Variants in TBC1D16 observed in about 807,000 individuals in gnomAD.
TBC1D16 encodes CTD-2529O21.1.
In TBC1D16, 58 loss-of-function variants were observed where a neutral mutation model predicts 74.7. The ratio of observed to expected loss-of-function variants is 0.78; its 90% CI spans 0.63 to 0.97. The LOEUF is 0.97. Ranked by LOEUF, TBC1D16 falls within the 50% of genes least tolerant of loss-of-function variation. The pLI, the probability that TBC1D16 is intolerant of heterozygous loss-of-function variation, is 0.00. For missense variants in TBC1D16, 1,014 were observed against 1,079.5 expected (o/e 0.94, Z 0.85); for synonymous variants, 493 against 474.7 (o/e 1.04, Z -0.50).
In TBC1D16 at chr17:80,010,660, C is replaced by A; in HGVS notation, c.279G>T (p.Glu93Asp). The A allele has an allele frequency of 6.5e-7, 1 of 1,539,754 alleles. No individual in the cohort carries two copies. The highest frequency in any genetic ancestry group is 8.7e-7 in the Non-Finnish European group (1 of 1,146,052). The change falls in exon 3 of 12, where the codon GAG becomes GAT. Residue 93 changes from glutamate to aspartate, a missense_variant. Coordinates refer to ENST00000310924, the MANE Select transcript of TBC1D16 (RefSeq NM_019020.4). The surrounding 1 kb of genome is among the most constrained non-coding windows in gnomAD (Gnocchi z 8.8). The stretch of plus-strand genomic sequence containing the variant: ...TCTCGGGTGTGATGTAGCGCAGGGC[C>A]TCCTCGTCCTGCCTCTGGATGCGAG... ...PNSRIQRQDE[E>D]ALRYITPESS...
In TBC1D16 at chr17:80,023,094, T is replaced by TACTA. The variant is rs936552525; in HGVS notation, c.-62-9489_-62-9486dup. Among the ~76,000 whole-genome samples, 6 of 150,238 alleles carry TACTA rather than the reference T, an allele frequency of 4.0e-5. 2 individuals carry two copies. The highest frequency in any genetic ancestry group is 1.5e-4 in the African/African-American group (6 of 39,584). On this transcript the variant is annotated intron_variant, in intron 1 of 11. Coordinates refer to ENST00000310924, the MANE Select transcript of TBC1D16 (RefSeq NM_019020.4). ...ACGTGTGTGAGATCCACGGTTCTCATACTATCACACGCTCTGGTGAGAGTA... is the reference window on the plus strand; with the variant it reads ...ACGTGTGTGAGATCCACGGTTCTCATACTAACTATCACACGCTCTGGTGAGAGTA...
chr17:79,980,917 A>G lies in TBC1D16; in HGVS notation c.780-28099T>C, dbSNP rs1277124838. ...ACCGGGAGCTGCTGGGACCATGGCT[A>G]GGGGTTGTGACGTGACCTGGGCCCC... On this transcript the variant is annotated intron_variant, in intron 3 of 11. Coordinates refer to ENST00000310924, the MANE Select transcript of TBC1D16 (RefSeq NM_019020.4). This position sits in a 1 kb window ranked among gnomAD's most constrained non-coding sequence, Gnocchi z 7.0. Among the ~76,000 whole-genome samples the G allele has an allele frequency of 6.6e-6, 1 of 152,106 alleles. No individual in the cohort carries two copies. Among genetic ancestry groups the G allele is most frequent in the African/African-American group, 2.4e-5 (1 of 41,420 alleles).
At chr17:79,943,282 G>A (rs1253166855) in intron 10 of TBC1D16, among the ~76,000 whole-genome samples, 2 of 152,274 alleles carry the variant, frequency 1.3e-5, no homozygotes, top group South Asian at 2.1e-4. Flanking sequence ...TGGCTGGTGC[G>A]AGACACAGCG....
intron 10 of TBC1D16, among the ~76,000 whole-genome samples, chr17:79,942,933 A>C (rs758083792): frequency 3.9e-5 from 6 of 152,226 alleles, no homozygotes; most frequent in Non-Finnish European, 7.3e-5. Context: ...CAGGAAGCCC[A>C]CGCCAGGTCC....
At chr17:79,949,393 C>G (rs2032842074) in intron 7 of TBC1D16, among the ~76,000 whole-genome samples, 1 of 152,222 alleles carries the variant, frequency 6.6e-6, no homozygotes, top group Non-Finnish European at 1.5e-5. Flanking sequence ...GACACAGTCT[C>G]CGGATGCCTT....
intron 2 of TBC1D16, among the ~76,000 whole-genome samples, chr17:80,011,038 T>C (rs1195890276): frequency 6.6e-6 from 1 of 152,012 alleles, no homozygotes; most frequent in East Asian, 1.9e-4. Flanking sequence ...TTTTGGTTTT[T>C]GGGTTTGTTT....
At chr17:79,951,320 T>C in intron 5 of TBC1D16, 130 bp downstream of exon 5, 1 of 1,163,338 alleles carries the variant, frequency 8.6e-7, no homozygotes, top group Non-Finnish European at 1.2e-6. Context: ...GGCCAAAAAC[T>C]ACCGTGGGTC....
chr17:80,007,154 C>T lies in TBC1D16; in HGVS notation c.779+3006G>A, dbSNP rs979247947. 2.6e-5 allele frequency among the ~76,000 whole-genome samples: 4 copies of T among 152,224 alleles called. No individual in the cohort carries two copies. The highest frequency in any genetic ancestry group is 2.1e-4 in the South Asian group (1 of 4,834). ...GAGCCTCCCCTGGACCGGGCTGACACAGGCCTGAGGTGCGAGCCACACCGA... is the reference window on the plus strand; with the variant it reads ...GAGCCTCCCCTGGACCGGGCTGACATAGGCCTGAGGTGCGAGCCACACCGA... On this transcript the variant is annotated intron_variant, in intron 3 of 11. Transcript: ENST00000310924. This position sits in a 1 kb window ranked among gnomAD's most constrained non-coding sequence, Gnocchi z 4.5.
intron 1 of TBC1D16, among the ~76,000 whole-genome samples, chr17:80,015,454 A>T (rs1044833859): frequency 2.0e-5 from 3 of 151,724 alleles, no homozygotes; most frequent in Middle Eastern, 3.2e-3. Flanking sequence ...AATAAATAAA[A>T]AAAATAAAAG....
At chr17:79,942,396 A>C (rs1306595767) in intron 10 of TBC1D16, among the ~76,000 whole-genome samples, 190 bp from the exon 11 acceptor site, 1 of 152,134 alleles carries the variant, frequency 6.6e-6, no homozygotes. Context: ...CCCCACCTGC[A>C]CATGGGGTCT....
chr17:79,998,337 G>GT (rs1170616473), intron 3 of TBC1D16, among the ~76,000 whole-genome samples: 1 of 147,636 alleles, frequency 6.8e-6, no homozygotes, highest in Non-Finnish European at 1.5e-5. Context: ...GGTGTTTTTT[G>GT]TTTTTTTTGA....
chr17:79,985,655 A>C lies in TBC1D16; in HGVS notation c.779+24505T>G, dbSNP rs576515245. Among the ~76,000 whole-genome samples, 22 of 152,064 alleles carry C rather than the reference A, an allele frequency of 1.4e-4. No individual in the cohort carries two copies. The highest frequency in any genetic ancestry group is 4.6e-4 in the African/African-American group (19 of 41,474). ...TGGCAGCCATTCCGCATTGATCTCCATTTGCTTTTCAAACATGCAATTCTC... is the reference window on the plus strand; with the variant it reads ...TGGCAGCCATTCCGCATTGATCTCCCTTTGCTTTTCAAACATGCAATTCTC... On this transcript the variant is annotated intron_variant, in intron 3 of 11. Transcript: ENST00000310924. This position sits in a 1 kb window ranked among gnomAD's most constrained non-coding sequence, Gnocchi z 4.9.
At position 79,993,876 on chromosome 17, in the gene TBC1D16, C is replaced by T. The variant is rs2035169279; in HGVS notation, c.779+16284G>A. Among the ~76,000 whole-genome samples the T allele has an allele frequency of 6.6e-6, 1 of 152,076 alleles. No homozygotes were observed. The highest frequency in any genetic ancestry group is 2.1e-4 in the South Asian group (1 of 4,828). The stretch of plus-strand genomic sequence containing the variant: ...CTCAGCCCCTCGAGAGCACCAGGAG[C>T]CCCCAGCCCCCATGCAACCACCGGC... On this transcript the variant is annotated intron_variant, in intron 3 of 11. Coordinates refer to ENST00000310924, the MANE Select transcript of TBC1D16 (RefSeq NM_019020.4). The surrounding 1 kb of genome is among the most constrained non-coding windows in gnomAD (Gnocchi z 5.1).
rs771525469 is a variant in TBC1D16, at chr17:79,939,359, G to C, written c.*1500C>G. The C allele has an allele frequency of 1.3e-5, 2 of 152,332 alleles. No homozygotes were observed. Among genetic ancestry groups the C allele is most frequent in the African/African-American group, 2.4e-5 (1 of 41,468 alleles). 9.4% of individuals were successfully genotyped at this position (152,332 alleles called of 1,614,324 possible). ...GGTTCATGGAGAAAAGAGAAGCCGA[G>C]AAGGTGGAGGAGGCCGGTAAGTGGT... On this transcript the variant is annotated 3_prime_UTR_variant, in exon 12 of 12. Transcript: ENST00000310924.
chr17:79,963,963 G>GT (rs1942192380), intron 3 of TBC1D16, among the ~76,000 whole-genome samples: 1 of 150,826 alleles, frequency 6.6e-6, no homozygotes, highest in Non-Finnish European at 1.5e-5. Context: ...TTGTTTGGTT[G>GT]TTTTTTGTGT....
At chr17:79,943,290 G>A (rs147047678) in intron 10 of TBC1D16, among the ~76,000 whole-genome samples, 11 of 152,320 alleles carry the variant, frequency 7.2e-5, no homozygotes, top group Middle Eastern at 3.4e-3. Context: ...GCGAGACACA[G>A]CGGAGGGGTT....
At chr17:79,959,098 A>T (rs551041115) in intron 3 of TBC1D16, among the ~76,000 whole-genome samples, 1 of 152,396 alleles carries the variant, frequency 6.6e-6, no homozygotes, top group Non-Finnish European at 1.5e-5. Flanking sequence ...CTTAAACAGT[A>T]ACAATGCACA....
At position 79,945,078 on chromosome 17, in the gene TBC1D16, G is replaced by A. The variant is rs747368486; in HGVS notation, c.1738C>T (p.Arg580Cys). 15 of 1,581,548 alleles carry A rather than the reference G, an allele frequency of 9.5e-6. No individual in the cohort carries two copies. Among genetic ancestry groups the A allele is most frequent in the Middle Eastern group, 1.7e-4 (1 of 6,010 alleles). ...ACGTGCGTCAGCCGCAGCAGCTCGC[G>A]CAGGTACAGCTGGGGGTGAGGCCGT... is the stretch of plus-strand genomic sequence containing the variant. ...EDMEKQLLYL[R>C]ELLRLTHVRF... is the part of the protein sequence containing the mutation. Residue 580 changes from arginine (R) to cysteine (C), a missense_variant, in exon 10 of 12, where the codon CGC becomes TGC. Arg to Cys is a radical substitution (Grantham distance 180). Coordinates refer to ENST00000310924, the MANE Select transcript of TBC1D16 (RefSeq NM_019020.4).
At position 79,952,642 on chromosome 17, in the gene TBC1D16, A is replaced by G; in HGVS notation, c.941+15T>C. 6.3e-7 allele frequency: 1 copy of G among 1,583,428 alleles called. No individual in the cohort carries two copies. Among genetic ancestry groups the G allele is most frequent in the Admixed American group, 1.7e-5 (1 of 58,306 alleles). ...ACAGGCCAACTCCCAGGAGGCGCCC[A>G]GAGATGCTTCCTACCTGAAGAAAAG... On this transcript the variant is annotated intron_variant, in intron 4 of 11. Transcript: ENST00000310924.
Sources: gnomAD v4.1 joint callset for allele counts (sites outside exome capture counted in the v4.1 genomes callset) on GRCh38, gnomAD v4.1.1 for gene constraint, Gnocchi (gnomAD v3.1) non-coding constraint, MANE v1.5 for transcripts, NCBI Gene and HGNC (gene_info 2026-07-23, HGNC 2026-07-21) for gene names.